The following SIAH3 variants were observed in gnomAD, a reference collection of about 807,000 sequenced individuals.
SIAH3 encodes seven in absentia homolog 3.
Under a neutral mutation model 12.6 loss-of-function variants are expected in SIAH3, and 9 were observed. The ratio of observed to expected loss-of-function variants is 0.72; its 90% CI spans 0.43 to 1.25. SIAH3 has a LOEUF of 1.25. SIAH3 is among the 50% of genes most tolerant of loss of function. SIAH3 has a pLI of 0.00. For missense variants in SIAH3, 390 were observed against 365.4 expected, an observed-to-expected ratio of 1.07 and a Z score of -0.55; for synonymous variants, 154 against 151.1, an observed-to-expected ratio of 1.02 and a Z score of -0.14.
chr13:45,819,583 T>C (rs952188078), intron 1 of SIAH3, among the ~76,000 whole-genome samples: 2 of 152,204 alleles, frequency 1.3e-5, no homozygotes, highest in Admixed American at 6.5e-5. Context: ...AATTGGTATT[T>C]AGGAGGAACA....
intron 1 of SIAH3, among the ~76,000 whole-genome samples, chr13:45,829,198 A>G (rs1444121415): frequency 1.3e-5 from 2 of 152,208 alleles, no homozygotes; most frequent in Admixed American, 6.5e-5. Flanking sequence ...AGCAAAAGTC[A>G]GCAAGCTGAC....
At chr13:45,839,091 T>C (rs1391369409) in intron 1 of SIAH3, among the ~76,000 whole-genome samples, 1 of 152,118 alleles carries the variant, frequency 6.6e-6, no homozygotes, top group African/African-American at 2.4e-5. Context: ...AATTTAGTTA[T>C]AGAGTATGGC....
intron 1 of SIAH3, among the ~76,000 whole-genome samples, chr13:45,845,163 A>G (rs1189457452): frequency 1.3e-5 from 2 of 151,082 alleles, no homozygotes; most frequent in Non-Finnish European, 2.9e-5. Flanking sequence ...AGAGACTTTC[A>G]GAGAGTTCTC....
intron 1 of SIAH3, among the ~76,000 whole-genome samples, chr13:45,843,620 C>T (rs1341872314): frequency 2.0e-5 from 3 of 152,172 alleles, no homozygotes; most frequent in East Asian, 1.9e-4. Context: ...AGTGGGGTTC[C>T]GTGCTTTCTT....
intron 1 of SIAH3, among the ~76,000 whole-genome samples, chr13:45,784,398 G>GTT (rs35686357): frequency 0.081 from 5,258 of 64,866 alleles, 181 homozygotes; most frequent in Non-Finnish European, 0.11. Context: ...AAAGACAGCT[G>GTT]TTTTTTTTTT....
rs572546442 is a variant in SIAH3, at chr13:45,847,497, G to C, written c.135+3998C>G. Among the ~76,000 whole-genome samples, 54 of 152,222 alleles carry C rather than the reference G, an allele frequency of 3.5e-4. 1 individual carries two copies. The highest frequency in any genetic ancestry group is 1.0e-3 in the African/African-American group (42 of 41,522). ...AATACACATTTATCCACACAAGTTG[G>C]TCTTAGAATGGAAGGCACGTGGATG... On this transcript the variant is annotated intron_variant, in intron 1 of 1. Coordinates refer to ENST00000400405, the MANE Select transcript of SIAH3 (RefSeq NM_198849.3).
chr13:45,792,716 GT>G (rs1006198646), intron 1 of SIAH3, among the ~76,000 whole-genome samples: 4 of 152,102 alleles, frequency 2.6e-5, no homozygotes, highest in East Asian at 1.9e-4. Flanking sequence ...CTCATACCTT[GT>G]TTTTTTCTTT....
At position 45,825,641 on chromosome 13, in the gene SIAH3, C is replaced by G. The variant is rs531984988; in HGVS notation, c.135+25854G>C. Among the ~76,000 whole-genome samples, 388 of 152,318 alleles carry G rather than the reference C, an allele frequency of 2.5e-3. 8 individuals carry two copies. In the Middle Eastern group the frequency reaches 0.041, roughly 16 times the overall value. On this transcript the variant is annotated intron_variant, in intron 1 of 1. Coordinates refer to ENST00000400405, the MANE Select transcript of SIAH3 (RefSeq NM_198849.3). ...GGGGAAAATGTGAAATGCTGAGTCTCTTAGGAAACAACTTGGTGAGCAAGA... is the reference window on the plus strand; with the variant it reads ...GGGGAAAATGTGAAATGCTGAGTCTGTTAGGAAACAACTTGGTGAGCAAGA...
chr13:45,822,503 T>C (rs2137571044), intron 1 of SIAH3, among the ~76,000 whole-genome samples: 1 of 116,156 alleles, frequency 8.6e-6, no homozygotes, highest in South Asian at 2.7e-4. Flanking sequence ...AGAAGTGAGC[T>C]AACATTTTCA....
intron 1 of SIAH3, among the ~76,000 whole-genome samples, chr13:45,843,024 C>A (rs1950745727): frequency 1.6e-5 from 1 of 64,300 alleles, no homozygotes; most frequent in Admixed American, 2.4e-4. Context: ...TTATTTCTCT[C>A]TCTCTCTCTC....
At chr13:45,826,357 A>G (rs57392142) in intron 1 of SIAH3, among the ~76,000 whole-genome samples, 2 of 3,102 alleles carry the variant, frequency 6.4e-4, no homozygotes, top group East Asian at 0.011. Flanking sequence ...GGGTGGGTGG[A>G]TGGATGGATG....
At chr13:45,840,271 G>A (rs1022746604) in intron 1 of SIAH3, among the ~76,000 whole-genome samples, 1 of 152,114 alleles carries the variant, frequency 6.6e-6, no homozygotes, top group Admixed American at 6.5e-5. Flanking sequence ...AAAAACCCAC[G>A]AGAAACCACA....
At chr13:45,833,891 A>G (rs2137578581) in intron 1 of SIAH3, among the ~76,000 whole-genome samples, 1 of 152,260 alleles carries the variant, frequency 6.6e-6, no homozygotes, top group Admixed American at 6.5e-5. Flanking sequence ...CAGGCTTTTA[A>G]CAATCAATCA....
chr13:45,835,502 T>C (rs1020057448), intron 1 of SIAH3, among the ~76,000 whole-genome samples: 4 of 152,222 alleles, frequency 2.6e-5, no homozygotes, highest in Non-Finnish European at 5.9e-5. Flanking sequence ...CACTTTATTA[T>C]ATTAACTCAT....
At chr13:45,814,307 G>C (rs111594028) in intron 1 of SIAH3, among the ~76,000 whole-genome samples, 1 of 151,166 alleles carries the variant, frequency 6.6e-6, no homozygotes, top group Admixed American at 6.6e-5. Flanking sequence ...TGTTTTTGGA[G>C]TATAGTCCCC....
intron 1 of SIAH3, among the ~76,000 whole-genome samples, chr13:45,829,383 G>C (rs1405213017): frequency 2.0e-5 from 3 of 152,104 alleles, no homozygotes; most frequent in African/African-American, 7.2e-5. Context: ...TGGGAGGATT[G>C]CTTGAGCCCA....
intron 1 of SIAH3, among the ~76,000 whole-genome samples, chr13:45,788,722 G>A (rs1950535764): frequency 6.6e-6 from 1 of 152,184 alleles, no homozygotes; most frequent in South Asian, 2.1e-4. Flanking sequence ...TCTGCTCCCT[G>A]TGGTCACCAA....
chr13:45,811,931 T>G (rs1019447116), intron 1 of SIAH3, among the ~76,000 whole-genome samples: 1 of 152,198 alleles, frequency 6.6e-6, no homozygotes, highest in African/African-American at 2.4e-5. Context: ...GGTTTAGTTA[T>G]GAGAAGGGTT....
At chr13:45,843,030 C>CTGTGTGTGTGTGTG (rs1236849648) in intron 1 of SIAH3, among the ~76,000 whole-genome samples, 25 of 64,468 alleles carry the variant, frequency 3.9e-4, no homozygotes, top group African/African-American at 9.8e-4. Flanking sequence ...CTCTCTCTCT[C>CTGTGTGTGTGTGTG]TCTCTGTGTG....
Sources: allele counts gnomAD v4.1 joint callset (sites outside exome capture counted in the v4.1 genomes callset), GRCh38; gene constraint gnomAD v4.1.1; transcripts MANE v1.5; gene names NCBI Gene and HGNC (gene_info 2026-07-23, HGNC 2026-07-21).